The following KDM4C variants were observed in gnomAD, a reference collection of about 807,000 sequenced individuals.
The protein encoded by KDM4C is lysine demethylase 4C.
KDM4C carries 81 observed loss-of-function variants against 129.3 expected under a neutral mutation model. That is an observed-to-expected ratio of 0.63 (90% confidence interval 0.52 to 0.75). KDM4C has a LOEUF of 0.75. Among genes scored for constraint, KDM4C ranks in the 30% least tolerant of loss-of-function variants. The pLI is 0.00. For synonymous variants in KDM4C, 573 were observed against 456.1 expected, an observed-to-expected ratio of 1.26 and a Z score of -3.26; for missense variants, 1,457 against 1,304.0, an observed-to-expected ratio of 1.12 and a Z score of -1.81.
intron 20 of KDM4C, 48 bp from the exon 21 acceptor site, chr9:7,169,750 T>A: frequency 6.9e-7 from 1 of 1,441,104 alleles, no homozygotes; most frequent in Non-Finnish European, 9.6e-7. Context: ...TTAAAAATGG[T>A]CAGTGCTGTT....
Position 6,824,369 on chromosome 9 carries a change from C to T in KDM4C, c.435+9624C>T, listed in dbSNP as rs140304861. 5.3e-5 allele frequency among the ~76,000 whole-genome samples: 8 copies of T among 152,248 alleles called. No homozygotes were observed. The East Asian group carries it at 1.4e-3, about 26-fold the overall frequency. ...AATATTGTGATCTGATAACAGACTG[C>T]AGCAAGATGGTCTAGTTACAGCAAG... On this transcript the variant is annotated intron_variant, in intron 4 of 21. Coordinates refer to ENST00000381309, the MANE Select transcript of KDM4C (RefSeq NM_015061.6).
chr9:6,975,034 G>A (rs1832699630), intron 8 of KDM4C: 1 of 152,128 alleles, frequency 6.6e-6, no homozygotes, highest in African/African-American at 2.4e-5. Flanking sequence ...CCTTCTTTTT[G>A]CATAGTTTTT....
In KDM4C at chr9:6,913,506, C is replaced by T. The variant is rs531522333; in HGVS notation, c.921+20274C>T. ...TGAAGAATACGTTTCATGTACAGTGCGCTTCTCCATTGGGATTTGTGAGAG... is the reference window on the plus strand; with the variant it reads ...TGAAGAATACGTTTCATGTACAGTGTGCTTCTCCATTGGGATTTGTGAGAG... On this transcript the variant is annotated intron_variant, in intron 8 of 21. Transcript: ENST00000381309. 1.1e-4 allele frequency among the ~76,000 whole-genome samples: 16 copies of T among 152,282 alleles called. No individual in the cohort carries two copies. In the South Asian group the frequency reaches 2.3e-3, roughly 22 times the overall value.
intron 5 of KDM4C, among the ~76,000 whole-genome samples, chr9:6,850,088 C>A (rs1838568823): frequency 6.6e-6 from 1 of 152,166 alleles, no homozygotes; most frequent in African/African-American, 2.4e-5. Flanking sequence ...AGGTTTGTAG[C>A]CTAGAAGCAA....
intron 5 of KDM4C, among the ~76,000 whole-genome samples, chr9:6,853,580 T>C (rs575664989): frequency 1.3e-5 from 2 of 152,342 alleles, no homozygotes; most frequent in South Asian, 2.1e-4. Context: ...ATAGGAGACA[T>C]ACATTTCTAG....
At chr9:6,935,235 A>G (rs926260913) in intron 8 of KDM4C, among the ~76,000 whole-genome samples, 1 of 152,114 alleles carries the variant, frequency 6.6e-6, no homozygotes, top group Non-Finnish European at 1.5e-5. Context: ...AATCTCAATA[A>G]TTTAGGCATA....
intron 17 of KDM4C, among the ~76,000 whole-genome samples, chr9:7,082,360 C>CA (rs1834626376): frequency 6.6e-6 from 1 of 152,276 alleles, no homozygotes; most frequent in Non-Finnish European, 1.5e-5. Flanking sequence ...GGGAGTTACA[C>CA]AGAGAGCCCA....
chr9:7,072,509 G>A (rs1833344831), intron 17 of KDM4C, among the ~76,000 whole-genome samples: 1 of 152,142 alleles, frequency 6.6e-6, no homozygotes, highest in South Asian at 2.1e-4. Flanking sequence ...CTAAGTGAAA[G>A]ATGCCTGACT....
At chr9:6,757,860 T>A, upstream of KDM4C, 2 of 985,548 alleles carry the variant, frequency 2.0e-6, no homozygotes, top group South Asian at 9.4e-5. Context: ...AGCGCGGAAG[T>A]TGAGCCCAAA....
chr9:7,037,181 GTTTTGTGT>G (rs762410874), intron 15 of KDM4C, among the ~76,000 whole-genome samples: 3 of 152,096 alleles, frequency 2.0e-5, no homozygotes, highest in Non-Finnish European at 4.4e-5. Context: ...CTATTTTACG[GTTTTGTGT>G]TTCTGTTATG....
intron 8 of KDM4C, among the ~76,000 whole-genome samples, chr9:6,957,414 C>G (rs545860912): frequency 2.2e-3 from 334 of 152,300 alleles, no homozygotes; most frequent in African/African-American, 7.6e-3. Context: ...TCCATTGAAA[C>G]TCTCTTATGG....
intron 17 of KDM4C, among the ~76,000 whole-genome samples, chr9:7,073,651 G>A (rs1481930684): frequency 6.6e-6 from 1 of 152,208 alleles, no homozygotes; most frequent in African/African-American, 2.4e-5. Flanking sequence ...TTAAATGTGT[G>A]CAGTGTGATA....
chr9:6,982,428 G>A (rs1398891295), intron 9 of KDM4C: 1 of 152,126 alleles, frequency 6.6e-6, no homozygotes. Context: ...AAATGAGGTG[G>A]TAAAATAGAA....
chr9:7,131,857 A>T (rs1840679471), intron 19 of KDM4C, among the ~76,000 whole-genome samples: 1 of 152,224 alleles, frequency 6.6e-6, no homozygotes, highest in Admixed American at 6.5e-5. Flanking sequence ...CACATTCCTC[A>T]GAGAAATCTT....
chr9:7,102,309 C>CTTTTTTTTTTTTTT (rs34614459), intron 17 of KDM4C, among the ~76,000 whole-genome samples: 1 of 89,988 alleles, frequency 1.1e-5, no homozygotes, highest in Admixed American at 1.4e-4. Context: ...ATGGTTTTCC[C>CTTTTTTTTTTTTTT]TTTTTTTTTT....
intron 8 of KDM4C, among the ~76,000 whole-genome samples, chr9:6,966,486 T>C (rs10815496): frequency 1.3e-5 from 2 of 152,132 alleles, no homozygotes; most frequent in African/African-American, 4.8e-5. Flanking sequence ...TTAATACTTT[T>C]ATGTAACATT....
At chr9:6,826,502 C>T (rs1833898252) in intron 4 of KDM4C, among the ~76,000 whole-genome samples, 1 of 151,940 alleles carries the variant, frequency 6.6e-6, no homozygotes, top group Non-Finnish European at 1.5e-5. Flanking sequence ...TAGTTTTATC[C>T]CCCTTCTGTT....
At chr9:6,958,008 C>T (rs975492332) in intron 8 of KDM4C, among the ~76,000 whole-genome samples, 1 of 151,752 alleles carries the variant, frequency 6.6e-6, no homozygotes, top group Non-Finnish European at 1.5e-5. Flanking sequence ...AAGTATATTG[C>T]TTCTCCGAGG....
chr9:6,728,976 T>A (rs1221768725), intron 1 of KDM4C, among the ~76,000 whole-genome samples: 2 of 149,124 alleles, frequency 1.3e-5, no homozygotes, highest in Non-Finnish European at 3.0e-5. Flanking sequence ...GAGGTCGAGG[T>A]GGATGGATCA....
Sources: allele counts gnomAD v4.1 joint callset (sites outside exome capture counted in the v4.1 genomes callset), GRCh38; gene constraint gnomAD v4.1.1; transcripts MANE v1.5; gene names NCBI Gene and HGNC (gene_info 2026-07-23, HGNC 2026-07-21).